MAGEC3: variants seen among roughly 807,000 people sequenced by gnomAD.
MAGEC3 encodes the protein MAGE family member C3, also known as melanoma-associated antigen C3.
A neutral mutation model predicts 35.3 loss-of-function variants in MAGEC3; 34 were observed. That is an observed-to-expected ratio of 0.96 (90% CI 0.73 to 1.28). MAGEC3 has a LOEUF of 1.28. Ranked by LOEUF, MAGEC3 falls within the 50% of genes most tolerant of loss-of-function variation. The probability of loss-of-function intolerance (pLI) is 0.00; values close to 1 mark genes in which losing one functional copy is unlikely to be tolerated. For synonymous variants in MAGEC3, 202 were observed against 185.6 expected, an observed-to-expected ratio of 1.09 and a Z score of -0.72; for missense variants, 561 against 483.6, an observed-to-expected ratio of 1.16 and a Z score of -1.50.
At chrX:141,854,001 T>G (rs1287765266) in intron 1 of MAGEC3, among the ~76,000 whole-genome samples, 1 of 111,203 alleles carries the variant, frequency 9.0e-6, no homozygotes, top group East Asian at 2.9e-4. Context: ...ATATAAAAGG[T>G]GATAGTGGAC....
chrX:141,871,978 T>C (rs2017891139), intron 2 of MAGEC3, among the ~76,000 whole-genome samples: 1 of 109,845 alleles, frequency 9.1e-6, no homozygotes, highest in African/African-American at 3.3e-5. Context: ...GGGGTTCATC[T>C]GCAGGGTTGA....
rs894235501 is a variant in MAGEC3 at position 141,891,655 on chromosome X, A to ATG, written c.910-3604_910-3603dup. 2.1e-3 allele frequency among the ~76,000 whole-genome samples: 216 copies of ATG among 105,195 alleles called. 2 individuals are homozygous for ATG. Among genetic ancestry groups the ATG allele is most frequent in the African/African-American group, 7.1e-3 (204 of 28,850 alleles). The allele number at this position is 105,195 out of a possible 115,157, so 91.3% of individuals were successfully genotyped here. ...AAGTTTTTAAAAGATAGATGTGGTA[A>ATG]TGTGTGTGTGTATATATATATGCAT... is the stretch of plus-strand genomic sequence containing the variant. On this transcript the variant is annotated intron_variant, in intron 4 of 7. Coordinates refer to ENST00000298296, the MANE Select transcript of MAGEC3 (RefSeq NM_138702.1).
chrX:141,878,965 C>T (rs2017938396), intron 2 of MAGEC3, among the ~76,000 whole-genome samples: 1 of 112,291 alleles, frequency 8.9e-6, no homozygotes, highest in Non-Finnish European at 1.9e-5. Flanking sequence ...TGGGAGGCCC[C>T]ACCCCACTGT....
chrX:141,876,176 C>T (rs1401128530), intron 2 of MAGEC3, among the ~76,000 whole-genome samples: 1 of 112,146 alleles, frequency 8.9e-6, no homozygotes, highest in East Asian at 2.8e-4. Flanking sequence ...GGCACTGCCT[C>T]TTAAGTCAGT....
At chrX:141,882,717 G>A (rs988943949) in intron 4 of MAGEC3, among the ~76,000 whole-genome samples, 16 of 112,043 alleles carry the variant, frequency 1.4e-4, no homozygotes, top group African/African-American at 4.2e-4. Context: ...ATTTGCTTGC[G>A]GAGGGGACTC....
intron 1 of MAGEC3, among the ~76,000 whole-genome samples, chrX:141,863,092 T>G (rs1294172812): frequency 1.8e-5 from 2 of 111,842 alleles, no homozygotes; most frequent in African/African-American, 3.3e-5. Flanking sequence ...GCAAAAAAAC[T>G]TAAAAATGAT....
intron 6 of MAGEC3, chrX:141,896,669 A>G: frequency 1.7e-6 from 2 of 1,209,302 alleles, no homozygotes; most frequent in Non-Finnish European, 2.2e-6. Flanking sequence ...CTCTTTCCAA[A>G]CCTTCCACGC....
chrX:141,849,784 G>A (rs186712589), intron 1 of MAGEC3, among the ~76,000 whole-genome samples: 2 of 111,485 alleles, frequency 1.8e-5, no homozygotes, highest in East Asian at 2.9e-4. Context: ...CCTATACACC[G>A]TTGTTGGGAA....
intron 2 of MAGEC3, among the ~76,000 whole-genome samples, 191 bp from the exon 3 acceptor site, chrX:141,878,984 G>A (rs745421739): frequency 1.6e-4 from 18 of 112,401 alleles, no homozygotes; most frequent in Non-Finnish European, 3.2e-4. Context: ...GTGGGTGGAT[G>A]TGATTCTCCC....
At chrX:141,856,711 A>G (rs1024463484) in intron 1 of MAGEC3, among the ~76,000 whole-genome samples, 2 of 112,038 alleles carry the variant, frequency 1.8e-5, no homozygotes, top group African/African-American at 6.5e-5. Context: ...ACATAATGTT[A>G]TACTATTCAG....
chrX:141,841,524 A>C (rs754443320), intron 1 of MAGEC3, among the ~76,000 whole-genome samples: 1 of 111,909 alleles, frequency 8.9e-6, no homozygotes, highest in African/African-American at 3.2e-5. Flanking sequence ...GTCAAAAAAT[A>C]AGAAATCAAC....
intron 1 of MAGEC3, among the ~76,000 whole-genome samples, chrX:141,862,743 T>C (rs1176352034): frequency 8.9e-6 from 1 of 112,034 alleles, no homozygotes; most frequent in African/African-American, 3.2e-5. Flanking sequence ...CACATGGAGA[T>C]AAAAAGTGGA....
intron 1 of MAGEC3, among the ~76,000 whole-genome samples, chrX:141,844,689 GT>G (rs1324343485): frequency 1.7e-4 from 19 of 110,562 alleles, no homozygotes; most frequent in Non-Finnish European, 1.9e-5. Flanking sequence ...TTTAATCTCT[GT>G]TTTTATTAGG....
At chrX:141,864,860 C>A (rs2017838306) in intron 1 of MAGEC3, among the ~76,000 whole-genome samples, 1 of 111,919 alleles carries the variant, frequency 8.9e-6, no homozygotes, top group African/African-American at 3.2e-5. Flanking sequence ...ACAGGAAACA[C>A]AATAGTGTTC....
chrX:141,888,055 A>G (rs2018014990), intron 4 of MAGEC3, among the ~76,000 whole-genome samples: 1 of 112,061 alleles, frequency 8.9e-6, no homozygotes, highest in Non-Finnish European at 1.9e-5. Context: ...GAAATAGTGT[A>G]TATGTGATTG....
rs770425906 is a variant in MAGEC3 at position 141,848,096 on chromosome X, T to C, written c.123+9658T>C. On this transcript the variant is annotated intron_variant, in intron 1 of 7. Transcript: ENST00000298296. ...TGTGTGTAGTATGTATGTATAAATATATATACACGCATCTATATGTATACA... is the reference window on the plus strand; with the variant it reads ...TGTGTGTAGTATGTATGTATAAATACATATACACGCATCTATATGTATACA... Among the ~76,000 whole-genome samples the C allele has an allele frequency of 1.5e-4, 17 of 109,949 alleles. No individual in the cohort carries two copies. In the East Asian group the frequency reaches 4.6e-3, roughly 30 times the overall value.
intron 1 of MAGEC3, among the ~76,000 whole-genome samples, chrX:141,862,963 T>C (rs961028089): frequency 2.7e-5 from 3 of 111,881 alleles, no homozygotes; most frequent in Admixed American, 9.5e-5. Flanking sequence ...CACCAGCACA[T>C]AGAAATGATA....
intron 4 of MAGEC3, among the ~76,000 whole-genome samples, chrX:141,895,018 T>G (rs1602633242): frequency 3.0e-5 from 2 of 65,986 alleles, no homozygotes; most frequent in Non-Finnish European, 2.9e-5. Flanking sequence ...CAATAAAAGG[T>G]GAAAGGGGGC....
In MAGEC3 at chrX:141,865,741, T is replaced by C. The variant is rs188085711; in HGVS notation, c.258+136T>C. The C allele has an allele frequency of 8.9e-4, 615 of 692,297 alleles. 1 individual carries two copies. The African/African-American group carries it at 0.012, about 13-fold the overall frequency. 57.1% of individuals were successfully genotyped at this position (692,297 alleles called of 1,213,427 possible). On this transcript the variant is annotated intron_variant, in intron 2 of 7. Transcript: ENST00000298296. Reference sequence around the variant, plus strand: ...GTTTTGATGTCCGTAGACTTCATTTTTGGGGCCTGAGGGAGGTGAGGCTTC... The same window carrying C: ...GTTTTGATGTCCGTAGACTTCATTTCTGGGGCCTGAGGGAGGTGAGGCTTC...
Sources: allele counts gnomAD v4.1 joint callset (sites outside exome capture counted in the v4.1 genomes callset), GRCh38; gene constraint gnomAD v4.1.1; transcripts MANE v1.5; gene names NCBI Gene and HGNC (gene_info 2026-07-23, HGNC 2026-07-21).